ERBB4: variants seen among roughly 807,000 people sequenced by gnomAD.
ERBB4 encodes the protein erb-b2 receptor tyrosine kinase 4, also known as receptor tyrosine-protein kinase erbB-4.
Under a neutral mutation model 158.0 loss-of-function variants are expected in ERBB4, and 42 were observed. The observed-to-expected ratio is 0.27, with a 90% CI of 0.21 to 0.34. The LOEUF (loss-of-function observed/expected upper bound fraction) is 0.34, where lower values mean the gene tolerates loss of function less well. ERBB4 is among the 10% of genes least tolerant of loss of function. ERBB4 has a pLI of 1.00. For missense variants in ERBB4, 1,333 were observed against 1,624.1 expected (o/e 0.82, Z 3.08); for synonymous variants, 583 against 558.7 (o/e 1.04, Z -0.61).
At chr2:212,382,869 C>A (rs1227375687) in intron 1 of ERBB4, among the ~76,000 whole-genome samples, 1 of 151,170 alleles carries the variant, frequency 6.6e-6, no homozygotes, top group Admixed American at 6.6e-5. Context: ...TTTTTCTGTA[C>A]ATTTTATTTC....
chr2:212,191,472 CAT>C (rs10538176), intron 1 of ERBB4, among the ~76,000 whole-genome samples: 76 of 134,736 alleles, frequency 5.6e-4, no homozygotes, highest in African/African-American at 1.8e-3. Flanking sequence ...ATATATAACA[CAT>C]GTGTTATACA....
intron 2 of ERBB4, among the ~76,000 whole-genome samples, chr2:212,015,081 T>A (rs868276519): frequency 0.64 from 5,802 of 9,064 alleles, 2,619 homozygotes; most frequent in East Asian, 0.95. Flanking sequence ...TATATATATA[T>A]ATATATATAT....
intron 2 of ERBB4, among the ~76,000 whole-genome samples, chr2:212,111,339 G>A (rs986947860): frequency 5.3e-5 from 8 of 152,178 alleles, no homozygotes; most frequent in South Asian, 2.1e-4. Flanking sequence ...TTGAAATAAC[G>A]CCATACCCAT....
intron 3 of ERBB4, among the ~76,000 whole-genome samples, chr2:211,830,032 C>T (rs1439242): frequency 0.23 from 35,265 of 151,994 alleles, 4,232 homozygotes; most frequent in South Asian, 0.33. Context: ...AAGTTTCACC[C>T]GCTTCAGGGA....
chr2:212,372,440 TC>T (rs2090121019), intron 1 of ERBB4, among the ~76,000 whole-genome samples: 1 of 152,026 alleles, frequency 6.6e-6, no homozygotes, highest in African/African-American at 2.4e-5. Context: ...TTTGCCTAGC[TC>T]TGAAAGCCTG....
At chr2:211,533,780 C>G (rs771804690) in intron 20 of ERBB4, among the ~76,000 whole-genome samples, 23 of 152,040 alleles carry the variant, frequency 1.5e-4, no homozygotes, top group Non-Finnish European at 2.4e-4. Flanking sequence ...TTTGTATTTT[C>G]TTTTAAATTC....
At chr2:211,855,601 A>T (rs375740915) in intron 3 of ERBB4, among the ~76,000 whole-genome samples, 2 of 152,128 alleles carry the variant, frequency 1.3e-5, no homozygotes, top group Non-Finnish European at 2.9e-5. Flanking sequence ...TTCTCCTCCA[A>T]TACCAATTCT....
chr2:212,115,604 A>G (rs1165723750), intron 2 of ERBB4, among the ~76,000 whole-genome samples: 1 of 152,200 alleles, frequency 6.6e-6, no homozygotes, highest in Non-Finnish European at 1.5e-5. Flanking sequence ...AATTTCCCTG[A>G]GCAAAGTATA....
chr2:211,499,543 GCAAA>G (rs1010785761), intron 20 of ERBB4, among the ~76,000 whole-genome samples: 2 of 151,690 alleles, frequency 1.3e-5, no homozygotes, highest in South Asian at 2.1e-4. Context: ...ACAAAACAAA[GCAAA>G]CAAACAAACA....
intron 2 of ERBB4, among the ~76,000 whole-genome samples, chr2:211,992,784 A>T (rs983886003): frequency 6.6e-6 from 1 of 152,106 alleles, no homozygotes; most frequent in Non-Finnish European, 1.5e-5. Flanking sequence ...TGCCCCATAC[A>T]CCAGTGTGTT....
intron 19 of ERBB4, among the ~76,000 whole-genome samples, chr2:211,579,344 T>C (rs2067989815): frequency 6.6e-6 from 1 of 152,176 alleles, no homozygotes; most frequent in African/African-American, 2.4e-5. Flanking sequence ...TTTTACACTG[T>C]TGGTGAGAAT....
chr2:212,016,441 T>A (rs1293064999), intron 2 of ERBB4, among the ~76,000 whole-genome samples: 1 of 152,202 alleles, frequency 6.6e-6, no homozygotes, highest in Non-Finnish European at 1.5e-5. Context: ...GATTGCATTA[T>A]TCTGTAACAT....
chr2:212,258,400 G>A (rs920829456), intron 1 of ERBB4, among the ~76,000 whole-genome samples: 2 of 151,356 alleles, frequency 1.3e-5, no homozygotes, highest in Non-Finnish European at 3.0e-5. Flanking sequence ...CAACAATAAC[G>A]AAAAATACCG....
chr2:211,632,437 T>C (rs983961361), intron 16 of ERBB4, among the ~76,000 whole-genome samples: 1 of 152,064 alleles, frequency 6.6e-6, no homozygotes, highest in South Asian at 2.1e-4. Context: ...TATCGCAAAA[T>C]ATTTATGTAT....
rs368289504 is a variant in ERBB4, at chr2:211,794,606, T to C, written c.422-6447A>G. ...TAATGTTAGTGATATGCACTAGATA[T>C]TTACATTGTAAATCCCATAAAATAT... On this transcript the variant is annotated intron_variant, in intron 3 of 27. Coordinates refer to ENST00000342788, the MANE Select transcript of ERBB4 (RefSeq NM_005235.3). 1.1e-3 allele frequency among the ~76,000 whole-genome samples: 168 copies of C among 152,086 alleles called. 2 individuals carry two copies. In the South Asian group the frequency reaches 0.033, roughly 30 times the overall value.
rs774192228 is a variant in ERBB4, at chr2:211,386,901, G to T, written c.3433C>A (p.Leu1145Met). The change falls in exon 27 of 28, where the codon CTG becomes ATG. Residue 1145 changes from leucine to methionine, a missense_variant. Around this residue, in one of 5 missense-constraint regions of ERBB4, gnomAD observed 252 missense variants for 241.3 expected, o/e 1.04. Transcript: ENST00000342788. Reference protein sequence around the residue: ...FAPERSPRGELDEEGYMTPMR... With the variant: ...FAPERSPRGEMDEEGYMTPMR... ...GGAGTCATGTAACCTTCCTCATCCAGCTCTCCTCGTGGGCTCCGTTCTGGG... is the reference window on the plus strand; with the variant it reads ...GGAGTCATGTAACCTTCCTCATCCATCTCTCCTCGTGGGCTCCGTTCTGGG... 8.7e-6 allele frequency: 14 copies of T among 1,614,144 alleles called. No homozygotes were observed. In the Admixed American group the frequency reaches 2.3e-4, roughly 27 times the overall value.
intron 2 of ERBB4, among the ~76,000 whole-genome samples, chr2:212,099,188 A>AAAT (rs2079014810): frequency 2.0e-5 from 3 of 148,854 alleles, no homozygotes; most frequent in African/African-American, 4.9e-5. Context: ...AATAAATAAT[A>AAAT]AATAATAAAA....
chr2:212,101,345 C>CTATACATATATATATA (rs543649126), intron 2 of ERBB4, among the ~76,000 whole-genome samples: 31,471 of 98,020 alleles, frequency 0.32, 4,663 homozygotes, highest in African/African-American at 0.46. Context: ...CACACACACC[C>CTATACATATATATATA]TATACATATA....
chr2:211,416,549 C>A (rs975918468), intron 25 of ERBB4, among the ~76,000 whole-genome samples: 1 of 152,174 alleles, frequency 6.6e-6, no homozygotes, highest in African/African-American at 2.4e-5. Context: ...AGCAAACCAG[C>A]CTTTTGTAAA....
Sources: allele counts gnomAD v4.1 joint callset (sites outside exome capture counted in the v4.1 genomes callset), GRCh38; gene constraint gnomAD v4.1.1; regional missense constraint gnomAD v4.1.1; transcripts MANE v1.5; gene names NCBI Gene and HGNC (gene_info 2026-07-23, HGNC 2026-07-21).